ATP7A: variants seen among roughly 807,000 people sequenced by gnomAD.
The protein encoded by ATP7A is ATPase copper transporting alpha, also known as copper-transporting ATPase 1.
Under a neutral mutation model 83.5 loss-of-function variants are expected in ATP7A, and 7 were observed. The ratio of observed to expected loss-of-function variants is 0.08; its 90% CI spans 0.05 to 0.16. ATP7A has a LOEUF of 0.16. Ranked by LOEUF, ATP7A falls within the 10% of genes least tolerant of loss-of-function variation. The pLI is 1.00. For missense variants in ATP7A, 940 were observed against 1,120.8 expected, an observed-to-expected ratio of 0.84 and a Z score of 2.30; for synonymous variants, 354 against 395.2, an observed-to-expected ratio of 0.90 and a Z score of 1.24.
chrX:77,984,275 G>A (rs113078326), intron 2 of ATP7A, among the ~76,000 whole-genome samples: 11,067 of 110,096 alleles, frequency 0.1, 665 homozygotes, highest in African/African-American at 0.23. Flanking sequence ...CTAGCAGCTA[G>A]CATAGTGCCG....
In ATP7A at chrX:77,997,921, T is replaced by C. The variant is rs377531034; in HGVS notation, c.1337-557T>C. 2.9e-4 allele frequency among the ~76,000 whole-genome samples: 32 copies of C among 110,921 alleles called. 1 individual carries two copies. The East Asian group carries it at 3.4e-3, about 12-fold the overall frequency. On this transcript the variant is annotated intron_variant, in intron 4 of 22. Transcript: ENST00000341514. The stretch of plus-strand genomic sequence containing the variant: ...AGTATAGATAGAGGAAATTTATTCA[T>C]CTGTCTGTCATTCTATTCCTGCCTT...
intron 19 of ATP7A, among the ~76,000 whole-genome samples, chrX:78,041,124 A>G (rs1256605081): frequency 1.8e-5 from 2 of 110,678 alleles, no homozygotes; most frequent in Non-Finnish European, 3.8e-5. Flanking sequence ...CAATGGAACT[A>G]TTTTCCTAAT....
intron 2 of ATP7A, among the ~76,000 whole-genome samples, chrX:77,983,053 T>C (rs782628660): frequency 9.0e-6 from 1 of 111,670 alleles, no homozygotes; most frequent in African/African-American, 3.3e-5. Flanking sequence ...CTCTGGGACC[T>C]CTTTTATAAG....
chrX:77,990,853 T>A (rs2077665188), intron 4 of ATP7A, among the ~76,000 whole-genome samples: 1 of 112,134 alleles, frequency 8.9e-6, no homozygotes, highest in Admixed American at 9.5e-5. Context: ...GCTATCCTGA[T>A]TAGAATGAAA....
chrX:77,941,873 A>G (rs1351475405), intron 1 of ATP7A, among the ~76,000 whole-genome samples: 1 of 112,197 alleles, frequency 8.9e-6, no homozygotes, highest in African/African-American at 3.2e-5. Context: ...ATAAGAATAA[A>G]ATTACTGCAT....
At position 77,949,407 on chromosome X, in the gene ATP7A, G is replaced by C. The variant is rs542895043; in HGVS notation, c.-21-22214G>C. 8.0e-5 allele frequency among the ~76,000 whole-genome samples: 9 copies of C among 111,945 alleles called. No individual in the cohort carries two copies. In the South Asian group the frequency reaches 3.0e-3, roughly 37 times the overall value. Reference sequence around the variant, plus strand: ...CCCCAATCTCTTAAAGTCGCTTCACGTACAGCTATTTTAGCAGTAACTTTG... The same window carrying C: ...CCCCAATCTCTTAAAGTCGCTTCACCTACAGCTATTTTAGCAGTAACTTTG... On this transcript the variant is annotated intron_variant, in intron 1 of 22. Coordinates refer to ENST00000341514, the MANE Select transcript of ATP7A (RefSeq NM_000052.7).
chrX:77,922,292 G>C (rs1049621911), intron 1 of ATP7A, among the ~76,000 whole-genome samples: 1 of 110,993 alleles, frequency 9.0e-6, no homozygotes, highest in Non-Finnish European at 1.9e-5. Flanking sequence ...GTTGCTTGAG[G>C]CTGGGAGTTT....
In ATP7A at chrX:78,043,378, G is replaced by A. The variant is rs782260602; in HGVS notation, c.4067G>A (p.Arg1356Gln). ...DLSRKTVKRI[R>Q]INFVFALIYN... ...TCAAGAAAGACAGTCAAGAGGATTC[G>A]GATAAATTTTGTCTTTGCTCTAATT... is the stretch of plus-strand genomic sequence containing the variant. The change falls in exon 21 of 23, where the codon CGG becomes CAG. Residue 1356 changes from arginine to glutamine, a missense_variant. By Grantham distance (43) the Arg-to-Gln change is conservative. Transcript: ENST00000341514. The A allele has an allele frequency of 6.1e-5, 74 of 1,208,112 alleles. 1 individual carries two copies. The South Asian group carries it at 1.1e-3, about 18-fold the overall frequency.
chrX:78,017,838 A>G (rs1266113184), intron 12 of ATP7A, among the ~76,000 whole-genome samples: 3 of 89,817 alleles, frequency 3.3e-5, no homozygotes, highest in Non-Finnish European at 6.2e-5. Context: ...GTGCAGTGGC[A>G]CAATCTCGGC....
At chrX:77,936,032 G>A (rs1439083712) in intron 1 of ATP7A, among the ~76,000 whole-genome samples, 5 of 112,426 alleles carry the variant, frequency 4.4e-5, no homozygotes, top group African/African-American at 6.5e-5. Context: ...GGTGGCTTAC[G>A]CTAATTTTCA....
intron 1 of ATP7A, among the ~76,000 whole-genome samples, chrX:77,912,620 A>G (rs1477652862): frequency 1.8e-5 from 2 of 112,401 alleles, no homozygotes; most frequent in Admixed American, 1.9e-4. Flanking sequence ...CTTAATTCTG[A>G]TGTAAACTCA....
chrX:77,929,604 G>A (rs782350087), intron 1 of ATP7A, among the ~76,000 whole-genome samples: 4 of 109,381 alleles, frequency 3.7e-5, no homozygotes, highest in South Asian at 7.7e-4. Context: ...TGATAGGAAC[G>A]AAATAAATTT....
At chrX:77,942,748 C>T (rs1368025434) in intron 1 of ATP7A, among the ~76,000 whole-genome samples, 1 of 110,285 alleles carries the variant, frequency 9.1e-6, no homozygotes, top group Non-Finnish European at 1.9e-5. Flanking sequence ...GCATCCAGCC[C>T]TCTTTCTCTG....
At chrX:77,950,823 A>T (rs1349145759) in intron 1 of ATP7A, among the ~76,000 whole-genome samples, 1 of 110,840 alleles carries the variant, frequency 9.0e-6, no homozygotes, top group African/African-American at 3.3e-5. Context: ...GGAGATCGAG[A>T]CCATCCTGGC....
At chrX:78,045,444 C>CT in intron 21 of ATP7A, 26 bp from the exon 22 acceptor site, 1 of 1,093,144 alleles carries the variant, frequency 9.1e-7, no homozygotes, top group African/African-American at 1.8e-5. Context: ...ATTATCTACT[C>CT]TAACTAATCC....
chrX:77,959,052 T>TATATGATTGAGATGGGG (rs1557227743), intron 1 of ATP7A, among the ~76,000 whole-genome samples: 46 of 111,239 alleles, frequency 4.1e-4, no homozygotes, highest in African/African-American at 1.5e-3. Context: ...CCTCCCAAGG[T>TATATGATTGAGATGGGG]GCTGGGATTA....
intron 4 of ATP7A, among the ~76,000 whole-genome samples, chrX:77,994,756 G>C (rs145878744): frequency 1.5e-4 from 17 of 110,762 alleles, no homozygotes; most frequent in African/African-American, 5.6e-4. Flanking sequence ...TGCCTAGGCT[G>C]GTCTCAAACT....
At chrX:77,932,000 AC>A (rs782460048) in intron 1 of ATP7A, among the ~76,000 whole-genome samples, 1 of 58,119 alleles carries the variant, frequency 1.7e-5, no homozygotes, top group African/African-American at 6.9e-5. Flanking sequence ...CGGGGGGCTG[AC>A]CCCCCCACCT....
At chrX:77,938,340 C>T (rs1289140450) in intron 1 of ATP7A, among the ~76,000 whole-genome samples, 1 of 112,556 alleles carries the variant, frequency 8.9e-6, no homozygotes, top group East Asian at 2.8e-4. Context: ...ATTTATCTTG[C>T]GGTTCAGGCA....
Sources: allele counts gnomAD v4.1 joint callset (sites outside exome capture counted in the v4.1 genomes callset), GRCh38; gene constraint gnomAD v4.1.1; transcripts MANE v1.5; gene names NCBI Gene and HGNC (gene_info 2026-07-23, HGNC 2026-07-21).